EYA2: variants seen among roughly 807,000 people sequenced by gnomAD.
The protein encoded by EYA2 is EYA transcriptional coactivator and phosphatase 2, also known as protein phosphatase EYA2.
A neutral mutation model predicts 69.2 loss-of-function variants in EYA2; 31 were observed. That is an observed-to-expected ratio of 0.45 (90% CI 0.34 to 0.60). The LOEUF is 0.60. Among genes scored for constraint, EYA2 ranks in the 20% least tolerant of loss-of-function variants. The probability of loss-of-function intolerance (pLI) is 0.02; values close to 1 mark genes in which losing one functional copy is unlikely to be tolerated. For synonymous variants in EYA2, 257 were observed against 279.4 expected (o/e 0.92, Z 0.80); for missense variants, 622 against 701.2 (o/e 0.89, Z 1.28).
intron 5 of EYA2, among the ~76,000 whole-genome samples, chr20:47,038,635 T>G (rs1353283455): frequency 1.3e-5 from 2 of 152,152 alleles, no homozygotes; most frequent in Non-Finnish European, 2.9e-5. Flanking sequence ...TGATATAAAA[T>G]TTACCATCTT....
intron 8 of EYA2, among the ~76,000 whole-genome samples, chr20:47,094,855 CCT>C (rs1408269181): frequency 1.3e-5 from 2 of 151,998 alleles, no homozygotes; most frequent in Non-Finnish European, 2.9e-5. Flanking sequence ...ATAGCGAGAC[CCT>C]GTCTCTACAA....
chr20:47,151,017 C>T (rs1201524582), intron 10 of EYA2, among the ~76,000 whole-genome samples: 3 of 152,022 alleles, frequency 2.0e-5, no homozygotes, highest in African/African-American at 4.8e-5. Context: ...CACCTTTCCT[C>T]GGTTTTCATC....
At chr20:47,056,817 G>C (rs1219420481) in intron 5 of EYA2, among the ~76,000 whole-genome samples, 1 of 152,078 alleles carries the variant, frequency 6.6e-6, no homozygotes, top group African/African-American at 2.4e-5. Context: ...GGCCGAGGCG[G>C]GCAGATTGCT....
intron 5 of EYA2, among the ~76,000 whole-genome samples, chr20:47,016,518 GA>G (rs1322769281): frequency 7.2e-5 from 11 of 152,232 alleles, no homozygotes; most frequent in Non-Finnish European, 1.5e-4. Flanking sequence ...GATGATTTGG[GA>G]AGGGGTTGAA....
At position 47,123,815 on chromosome 20, in the gene EYA2, AC is replaced by A. The variant is rs371353826; in HGVS notation, c.889-19239del. Among the ~76,000 whole-genome samples, 871 of 151,908 alleles carry A rather than the reference AC, an allele frequency of 5.7e-3. 8 individuals are homozygous for A. The highest frequency in any genetic ancestry group is 0.02 in the African/African-American group (811 of 41,416). On this transcript the variant is annotated intron_variant, in intron 9 of 15. Coordinates refer to ENST00000327619, the MANE Select transcript of EYA2 (RefSeq NM_005244.5). Reference sequence around the variant, plus strand: ...AGACCAGCCTGGCCAACATGGTGAAACCCCCGTCTCTACTAAAAATACAAAA... The same window carrying A: ...AGACCAGCCTGGCCAACATGGTGAAACCCCGTCTCTACTAAAAATACAAAA...
At chr20:47,146,402 C>T (rs886757430) in intron 10 of EYA2, among the ~76,000 whole-genome samples, 3 of 152,118 alleles carry the variant, frequency 2.0e-5, no homozygotes, top group African/African-American at 7.2e-5. Flanking sequence ...GAGTCTTGCC[C>T]CACTCTGCTG....
At chr20:47,012,794 A>C (rs1293407159) in intron 4 of EYA2, among the ~76,000 whole-genome samples, 1 of 152,220 alleles carries the variant, frequency 6.6e-6, no homozygotes, top group Admixed American at 6.5e-5. Flanking sequence ...GTACTGGGCC[A>C]AATTAAAATG....
At chr20:46,945,356 C>A (rs183900799) in intron 1 of EYA2, among the ~76,000 whole-genome samples, 1 of 152,134 alleles carries the variant, frequency 6.6e-6, no homozygotes, top group Non-Finnish European at 1.5e-5. Flanking sequence ...GTAGACTGAC[C>A]GATTTTTAGA....
At chr20:47,134,238 G>A (rs565298159) in intron 9 of EYA2, among the ~76,000 whole-genome samples, 1 of 152,188 alleles carries the variant, frequency 6.6e-6, no homozygotes, top group Non-Finnish European at 1.5e-5. Flanking sequence ...GCCCAGTCAT[G>A]CAGCTGAGCC....
intron 3 of EYA2, among the ~76,000 whole-genome samples, chr20:47,004,274 G>A (rs767737999): frequency 2.6e-5 from 4 of 152,182 alleles, no homozygotes; most frequent in Non-Finnish European, 5.9e-5. Context: ...AAGCAATATG[G>A]AGGATTTAAA....
chr20:47,079,377 G>A (rs1380567034), intron 7 of EYA2, among the ~76,000 whole-genome samples: 1 of 152,194 alleles, frequency 6.6e-6, no homozygotes, highest in Non-Finnish European at 1.5e-5. Context: ...GGCTCCAGAG[G>A]AGAATCACTT....
At chr20:47,170,079 T>G (rs1245470165) in intron 11 of EYA2, among the ~76,000 whole-genome samples, 1 of 151,922 alleles carries the variant, frequency 6.6e-6, no homozygotes, top group Non-Finnish European at 1.5e-5. Flanking sequence ...CTAATTTTTT[T>G]GTTTTTTTAG....
At chr20:47,067,423 A>T (rs145170409) in intron 5 of EYA2, among the ~76,000 whole-genome samples, 1 of 152,154 alleles carries the variant, frequency 6.6e-6, no homozygotes, top group Non-Finnish European at 1.5e-5. Flanking sequence ...TTAAATGTAC[A>T]TTCTCAAATA....
chr20:46,953,760 G>C (rs1568684784), intron 1 of EYA2, among the ~76,000 whole-genome samples: 3 of 152,304 alleles, frequency 2.0e-5, no homozygotes, highest in East Asian at 3.9e-4. Flanking sequence ...CAGATGCTAA[G>C]ATCATGGGTG....
chr20:46,980,239 T>C (rs541138379), intron 1 of EYA2, among the ~76,000 whole-genome samples: 116 of 152,360 alleles, frequency 7.6e-4, no homozygotes, highest in African/African-American at 2.6e-3. Flanking sequence ...AGCCAGTGCA[T>C]GCAGAGAGAT....
At chr20:47,021,579 A>G (rs1315127634) in intron 5 of EYA2, among the ~76,000 whole-genome samples, 1 of 150,186 alleles carries the variant, frequency 6.7e-6, no homozygotes, top group Non-Finnish European at 1.5e-5. Flanking sequence ...GTGAGCCGAG[A>G]TCACGCCACT....
At chr20:47,105,493 C>T (rs2032547085) in intron 9 of EYA2, among the ~76,000 whole-genome samples, 1 of 152,034 alleles carries the variant, frequency 6.6e-6, no homozygotes, top group Non-Finnish European at 1.5e-5. Context: ...GGCATGATGG[C>T]AGGCACCTGT....
In EYA2 at chr20:47,147,379, C is replaced by T. The variant is rs545956308; in HGVS notation, c.978+4231C>T. ...GCTCTTCTGACTTTTGAGCAAAGACCTGAAGGAGGTGGAGGAGGAGGCCAT... is the reference window on the plus strand; with the variant it reads ...GCTCTTCTGACTTTTGAGCAAAGACTTGAAGGAGGTGGAGGAGGAGGCCAT... On this transcript the variant is annotated intron_variant, in intron 10 of 15. Coordinates refer to ENST00000327619, the MANE Select transcript of EYA2 (RefSeq NM_005244.5). Among the ~76,000 whole-genome samples, 43 of 152,162 alleles carry T rather than the reference C, an allele frequency of 2.8e-4. No individual in the cohort carries two copies. In the South Asian group the frequency reaches 8.7e-3, roughly 31 times the overall value.
intron 1 of EYA2, among the ~76,000 whole-genome samples, chr20:46,919,696 T>G (rs1985092690): frequency 6.6e-6 from 1 of 152,266 alleles, no homozygotes; most frequent in South Asian, 2.1e-4. Flanking sequence ...ACTCGTGTGT[T>G]CACGGGAGTA....
Sources: gnomAD v4.1 joint callset for allele counts (sites outside exome capture counted in the v4.1 genomes callset) on GRCh38, gnomAD v4.1.1 for gene constraint, MANE v1.5 for transcripts, NCBI Gene and HGNC (gene_info 2026-07-23, HGNC 2026-07-21) for gene names.